The following CEP20 variants were observed in gnomAD, a reference collection of about 807,000 sequenced individuals.
The protein encoded by CEP20 is FGFR1OP N-terminal like.
CEP20 carries 18 observed loss-of-function variants against 20.0 expected under a neutral mutation model. That is an observed-to-expected ratio of 0.90 (90% CI 0.62 to 1.34). The LOEUF (loss-of-function observed/expected upper bound fraction) is 1.34, where lower values mean the gene tolerates loss of function less well. Among genes scored for constraint, CEP20 ranks in the 40% most tolerant of loss-of-function variants. The pLI is 0.00. For missense variants in CEP20, 215 were observed against 201.6 expected, an observed-to-expected ratio of 1.07 and a Z score of -0.40; for synonymous variants, 77 against 73.7, an observed-to-expected ratio of 1.04 and a Z score of -0.23.
intron 4 of CEP20, among the ~76,000 whole-genome samples, chr16:15,871,026 G>C (rs1383619344): frequency 3.3e-5 from 5 of 152,144 alleles, no homozygotes; most frequent in African/African-American, 9.7e-5. Context: ...ACTTTGGGAG[G>C]CCAAGGGGGG....
chr16:15,873,438 G>A, intron 4 of CEP20, 53 bp downstream of exon 4: 1 of 1,572,154 alleles, frequency 6.4e-7, no homozygotes, highest in East Asian at 2.3e-5. Flanking sequence ...AAAATATATA[G>A]GAAGAAAACA....
Position 15,867,399 on chromosome 16 carries a change from A to G in CEP20, c.*41T>C, listed in dbSNP as rs552134239. The G allele has an allele frequency of 8.3e-6, 12 of 1,447,968 alleles. 1 individual carries two copies. Among genetic ancestry groups the G allele is most frequent in the South Asian group, 5.2e-5 (4 of 77,494 alleles). 89.7% of individuals were successfully genotyped at this position (1,447,968 alleles called of 1,614,324 possible). On this transcript the variant is annotated 3_prime_UTR_variant, in exon 5 of 5. Coordinates refer to ENST00000255759, the MANE Select transcript of CEP20 (RefSeq NM_144600.4). Reference sequence around the variant, plus strand: ...GGGACAATAAATAAGTTATTTAATTAATAATACAATTTTAAGACAAAAGAT... The same window carrying G: ...GGGACAATAAATAAGTTATTTAATTGATAATACAATTTTAAGACAAAAGAT...
chr16:15,882,708 T>C (rs1188267552), intron 2 of CEP20, among the ~76,000 whole-genome samples: 1 of 152,044 alleles, frequency 6.6e-6, no homozygotes, highest in Non-Finnish European at 1.5e-5. Flanking sequence ...ATAGTAGTAA[T>C]ATTTCAAAGT....
intron 2 of CEP20, among the ~76,000 whole-genome samples, chr16:15,881,568 T>C (rs150078671): frequency 1.2e-3 from 178 of 152,294 alleles, no homozygotes; most frequent in African/African-American, 4.0e-3. Flanking sequence ...TGCTGAGGCA[T>C]GAAGTAGTCA....
At chr16:15,878,961 C>A (rs182351782) in intron 3 of CEP20, among the ~76,000 whole-genome samples, 9 of 150,136 alleles carry the variant, frequency 6.0e-5, no homozygotes. Context: ...AAAGAAAGTT[C>A]TAGATTTAAA....
chr16:15,873,537 A>G lies in CEP20; in HGVS notation c.402T>C (p.Pro134=), dbSNP rs1275658055. The G allele has an allele frequency of 1.2e-6, 2 of 1,614,108 alleles. No individual in the cohort carries two copies. The change falls in exon 4 of 5, where the codon CCT becomes CCC. Residue 134 remains proline, a synonymous_variant. Transcript: ENST00000255759. ...NAFLKGPSLQ[P]SDPSLGRQPS... The stretch of plus-strand genomic sequence containing the variant: ...GTTGTCTGCCAAGACTTGGGTCTGA[A>G]GGCTGAAGTGAAGGCCCTTTCAGAA...
intron 4 of CEP20, among the ~76,000 whole-genome samples, chr16:15,870,956 A>T (rs75265921): frequency 2.5e-3 from 377 of 152,338 alleles, no homozygotes; most frequent in Non-Finnish European, 4.2e-3. Flanking sequence ...AATACACAGA[A>T]ATGAGTCCCG....
intron 1 of CEP20, 64 bp from the exon 2 acceptor site, chr16:15,884,269 T>C (rs2045187356): frequency 6.9e-7 from 1 of 1,450,954 alleles, no homozygotes; most frequent in Non-Finnish European, 9.4e-7. Context: ...AGGCATACTT[T>C]GAAAAGAAAT....
chr16:15,874,739 C>T (rs1039462029), intron 3 of CEP20, among the ~76,000 whole-genome samples: 2 of 152,174 alleles, frequency 1.3e-5, no homozygotes, highest in East Asian at 1.9e-4. Context: ...TACAGTACGA[C>T]GCTCCCTTCC....
At chr16:15,873,697 A>C (rs1282792047) in intron 3 of CEP20, 70 bp from the exon 4 acceptor site, 1 of 1,469,216 alleles carries the variant, frequency 6.8e-7, no homozygotes, top group East Asian at 2.4e-5. Context: ...AGCTTAAAAC[A>C]TTTATTCTTT....
At chr16:15,867,582 G>T in intron 4 of CEP20, 66 bp from the exon 5 acceptor site, 1 of 1,029,174 alleles carries the variant, frequency 9.7e-7, no homozygotes, top group Non-Finnish European at 1.5e-6. Context: ...GGTAGACATA[G>T]CTACAAATAT....
intron 3 of CEP20, among the ~76,000 whole-genome samples, chr16:15,876,088 G>T (rs1175714894): frequency 6.7e-6 from 1 of 148,748 alleles, no homozygotes; most frequent in African/African-American, 2.5e-5. Context: ...AAAAGAGAAA[G>T]AAAATATTAA....
At chr16:15,882,784 T>TCTATACACACACACACACAC (rs1555465430) in intron 2 of CEP20, among the ~76,000 whole-genome samples, 4 of 149,866 alleles carry the variant, frequency 2.7e-5, no homozygotes, top group East Asian at 3.9e-4. Context: ...TCTATCTAGA[T>TCTATACACACACACACACAC]ACACACACAC....
chr16:15,883,979 A>C (rs1048209326), intron 2 of CEP20, 29 bp downstream of exon 2: 3 of 1,571,100 alleles, frequency 1.9e-6, no homozygotes, highest in African/African-American at 2.7e-5. Context: ...GGAGAAACAG[A>C]TTTTATGTGA....
chr16:15,884,117 G>C lies in CEP20; in HGVS notation c.117C>G (p.Asp39Glu). 6.2e-7 allele frequency: 1 copy of C among 1,614,082 alleles called. No homozygotes were observed. The highest frequency in any genetic ancestry group is 1.1e-5 in the South Asian group (1 of 91,082). Residue 39 changes from aspartate to glutamate, a missense_variant, in exon 2 of 5, where the codon GAC becomes GAG. Asp to Glu is a conservative substitution (Grantham distance 45). Coordinates refer to ENST00000255759, the MANE Select transcript of CEP20 (RefSeq NM_144600.4). ...GAGACAATGATGGTCGGGGTTCACG[G>C]TCATCATCTAGGGCATTGAAAACTT... is the stretch of plus-strand genomic sequence containing the variant. ...RAEVFNALDD[D>E]REPRPSLSHE...
chr16:15,878,859 T>G (rs7186397), intron 3 of CEP20, among the ~76,000 whole-genome samples: 1 of 152,126 alleles, frequency 6.6e-6, no homozygotes, highest in Non-Finnish European at 1.5e-5. Context: ...CAAGTGATCC[T>G]TCCACTTCAG....
chr16:15,878,010 G>C (rs1300719217), intron 3 of CEP20, among the ~76,000 whole-genome samples: 1 of 151,738 alleles, frequency 6.6e-6, no homozygotes, highest in African/African-American at 2.4e-5. Flanking sequence ...GCTGAGATGG[G>C]GCCACTGCAC....
rs575402463 is a variant in CEP20 at position 15,872,969 on chromosome 16, G to A, written c.448+522C>T. 2.0e-5 allele frequency among the ~76,000 whole-genome samples: 3 copies of A among 151,794 alleles called. No homozygotes were observed. The South Asian group carries it at 6.2e-4, about 32-fold the overall frequency. On this transcript the variant is annotated intron_variant, in intron 4 of 4. Coordinates refer to ENST00000255759, the MANE Select transcript of CEP20 (RefSeq NM_144600.4). ...TTACCTTTTATTTTGCAGTCATGGA[G>A]AGGAAAAAAAATAATCACTTGATAA...
At chr16:15,888,592 ACGGCCGCCAGGGCCGCACCGCGGCCCTG>A (rs1393562505) in exon 1 of CEP20, 1 of 1,613,890 alleles carries the variant, frequency 6.2e-7, no homozygotes, top group African/African-American at 1.3e-5. Flanking sequence ...CCATTTTTCA[ACGGCCGCCAGGGCCGCACCGCGGCCCTG>A]CGCACGCGCA....
Sources: allele counts gnomAD v4.1 joint callset (sites outside exome capture counted in the v4.1 genomes callset), GRCh38; gene constraint gnomAD v4.1.1; transcripts MANE v1.5; gene names NCBI Gene and HGNC (gene_info 2026-07-23, HGNC 2026-07-21).